The following MAF variants were observed in gnomAD, a reference collection of about 807,000 sequenced individuals.
MAF encodes MAF bZIP transcription factor.
A neutral mutation model predicts 22.0 loss-of-function variants in MAF; 10 were observed. The observed-to-expected ratio is 0.45, with a 90% confidence interval of 0.28 to 0.77. The LOEUF (loss-of-function observed/expected upper bound fraction) is 0.77, where lower values mean the gene tolerates loss of function less well. Among genes scored for constraint, MAF ranks in the 30% least tolerant of loss-of-function variants. The pLI, the probability that MAF is intolerant of heterozygous loss-of-function variation, is 0.12. For missense variants in MAF, 544 were observed against 548.4 expected, an observed-to-expected ratio of 0.99 and a Z score of 0.08; for synonymous variants, 337 against 255.8, an observed-to-expected ratio of 1.32 and a Z score of -3.03.
At chr16:79,527,025 G>C in the MAF span, among the ~76,000 whole-genome samples, 2 of 152,134 alleles carry the variant, frequency 1.3e-5, no homozygotes, top group Non-Finnish European at 2.9e-5. Flanking sequence ...ATTTGACAGG[G>C]GCCTCTTGGG....
At chr16:79,217,231 C>T in the MAF span, among the ~76,000 whole-genome samples, 2 of 152,230 alleles carry the variant, frequency 1.3e-5, no homozygotes, top group African/African-American at 2.4e-5. Context: ...AGTAACCTCT[C>T]CACAGTCTCA....
chr16:79,370,082 C>T, the MAF span, among the ~76,000 whole-genome samples: 3 of 152,162 alleles, frequency 2.0e-5, no homozygotes, highest in Non-Finnish European at 4.4e-5. Context: ...CTGGGTCAAC[C>T]TGAGTAGGCA....
the MAF span, among the ~76,000 whole-genome samples, chr16:79,373,946 A>C: frequency 6.6e-6 from 1 of 152,234 alleles, no homozygotes; most frequent in Non-Finnish European, 1.5e-5. Context: ...ATAAATTAGT[A>C]AGTCCAAGAA....
At chr16:79,469,783 G>C in the MAF span, among the ~76,000 whole-genome samples, 4 of 151,966 alleles carry the variant, frequency 2.6e-5, no homozygotes, top group Admixed American at 2.0e-4. Context: ...TTTTAGTAGA[G>C]ACAGGGTTTC....
At chr16:79,301,047 A>G in the MAF span, among the ~76,000 whole-genome samples, 1 of 150,126 alleles carries the variant, frequency 6.7e-6, no homozygotes, top group African/African-American at 2.5e-5. Flanking sequence ...GGTCCCCTGA[A>G]AAAAACACAC....
chr16:79,366,342 G>C, the MAF span, among the ~76,000 whole-genome samples: 17,897 of 152,250 alleles, frequency 0.12, 1,053 homozygotes, highest in African/African-American at 0.14. Context: ...GGCAGGGTTA[G>C]AGCCTAAAAA....
the MAF span, among the ~76,000 whole-genome samples, chr16:79,509,183 G>A: frequency 1.3e-5 from 2 of 152,140 alleles, no homozygotes; most frequent in African/African-American, 4.8e-5. Flanking sequence ...AACCATCTCC[G>A]AGGCGTGGTA....
the MAF span, among the ~76,000 whole-genome samples, chr16:79,363,996 T>C: frequency 6.6e-6 from 1 of 152,132 alleles, no homozygotes; most frequent in Non-Finnish European, 1.5e-5. Context: ...AGTGACCAAA[T>C]GCAGGAGGTT....
chr16:79,482,289 G>C, the MAF span, among the ~76,000 whole-genome samples: 1 of 152,190 alleles, frequency 6.6e-6, no homozygotes, highest in Admixed American at 6.5e-5. Context: ...TCTTTCTGGG[G>C]GTTCATTTCC....
chr16:79,372,788 C>G, the MAF span, among the ~76,000 whole-genome samples: 4 of 152,316 alleles, frequency 2.6e-5, no homozygotes, highest in Middle Eastern at 3.4e-3. Flanking sequence ...CAACCTCCCC[C>G]ACTGGCTTCT....
At chr16:79,508,715 A>G in the MAF span, among the ~76,000 whole-genome samples, 1 of 152,146 alleles carries the variant, frequency 6.6e-6, no homozygotes, top group South Asian at 2.1e-4. Context: ...AAAACCAAAA[A>G]CTTGCATGGA....
the MAF span, among the ~76,000 whole-genome samples, chr16:79,234,508 C>T: frequency 1.3e-5 from 2 of 151,988 alleles, no homozygotes; most frequent in Non-Finnish European, 2.9e-5. Context: ...GCTTTAATAA[C>T]TTTTAGTGCA....
chr16:79,552,209 T>C, the MAF span, among the ~76,000 whole-genome samples: 2 of 136,242 alleles, frequency 1.5e-5, no homozygotes, highest in Middle Eastern at 3.4e-3. Context: ...TGGCATCTGC[T>C]GCTCTCTCTT....
chr16:79,238,196 G>A, the MAF span, among the ~76,000 whole-genome samples: 1 of 152,028 alleles, frequency 6.6e-6, no homozygotes, highest in Admixed American at 6.6e-5. Context: ...TCCTGGGACA[G>A]AGCCCAGCAT....
the MAF span, among the ~76,000 whole-genome samples, chr16:79,367,208 G>T: frequency 2.0e-5 from 3 of 152,074 alleles, no homozygotes; most frequent in Admixed American, 6.5e-5. Flanking sequence ...TCAATTCTAT[G>T]GGTGCTTGAC....
At chr16:79,458,009 G>C in the MAF span, among the ~76,000 whole-genome samples, 3 of 151,690 alleles carry the variant, frequency 2.0e-5, no homozygotes, top group Non-Finnish European at 4.4e-5. Flanking sequence ...CTGCTCATTA[G>C]AGATATTTTT....
the MAF span, among the ~76,000 whole-genome samples, chr16:79,300,991 C>T: frequency 2.6e-4 from 40 of 151,102 alleles, no homozygotes; most frequent in East Asian, 6.7e-3. Context: ...GGGGAGGAGA[C>T]GGGAATAAAA....
the MAF span, among the ~76,000 whole-genome samples, chr16:79,525,475 A>G: frequency 6.6e-6 from 1 of 152,220 alleles, no homozygotes; most frequent in South Asian, 2.1e-4. Flanking sequence ...AAATATTGAC[A>G]GCAATTTGAT....
At chr16:79,375,048 G>C in the MAF span, among the ~76,000 whole-genome samples, 1 of 152,118 alleles carries the variant, frequency 6.6e-6, no homozygotes, top group Non-Finnish European at 1.5e-5. Context: ...TTATAACATG[G>C]GGCTGAGATG....
Sources: gnomAD v4.1 joint callset for allele counts (sites outside exome capture counted in the v4.1 genomes callset) on GRCh38, gnomAD v4.1.1 for gene constraint, MANE v1.5 for transcripts, NCBI Gene and HGNC (gene_info 2026-07-23, HGNC 2026-07-21) for gene names.